Variants in ATP10B observed in about 807,000 individuals in gnomAD.
ATP10B encodes ATPase phospholipid transporting 10B (putative).
ATP10B carries 122 observed loss-of-function variants against 141.2 expected under a neutral mutation model. The ratio of observed to expected loss-of-function variants is 0.86; its 90% CI spans 0.75 to 1.00. The LOEUF (loss-of-function observed/expected upper bound fraction) is 1.00, where lower values mean the gene tolerates loss of function less well. ATP10B is among the 50% of genes least tolerant of loss of function. The probability of loss-of-function intolerance (pLI) is 0.00; values close to 1 mark genes in which losing one functional copy is unlikely to be tolerated. For missense variants in ATP10B, 1,876 were observed against 1,825.3 expected (o/e 1.03, Z -0.51); for synonymous variants, 685 against 692.0 (o/e 0.99, Z 0.16).
intron 18 of ATP10B, among the ~76,000 whole-genome samples, chr5:160,608,477 T>C (rs1454062229): frequency 6.6e-6 from 1 of 152,214 alleles, no homozygotes; most frequent in Non-Finnish European, 1.5e-5. Context: ...ATGGTATTTC[T>C]AGTTCTAGAT....
chr5:160,583,521 G>T (rs1201910425), intron 24 of ATP10B, among the ~76,000 whole-genome samples: 1 of 152,210 alleles, frequency 6.6e-6, no homozygotes, highest in Non-Finnish European at 1.5e-5. Context: ...GGAAGCACAG[G>T]GGTCAGGGAC....
intron 1 of ATP10B, among the ~76,000 whole-genome samples, chr5:160,850,690 T>C (rs1731304708): frequency 6.6e-6 from 1 of 152,170 alleles, no homozygotes; most frequent in African/African-American, 2.4e-5. Flanking sequence ...ATGATTTAAC[T>C]GTAAAAAGTC....
At chr5:160,816,621 A>G (rs1773654561) in intron 1 of ATP10B, among the ~76,000 whole-genome samples, 1 of 152,224 alleles carries the variant, frequency 6.6e-6, no homozygotes, top group Non-Finnish European at 1.5e-5. Flanking sequence ...CAATCAACAG[A>G]AAAAGAGGGA....
At chr5:160,685,315 A>T in intron 6 of ATP10B, 1 of 578,628 alleles carries the variant, frequency 1.7e-6, no homozygotes, top group Non-Finnish European at 3.0e-6. Flanking sequence ...TTTCAGAAGG[A>T]TACTAAAAAT....
At chr5:160,775,793 G>A (rs1002836854) in intron 2 of ATP10B, among the ~76,000 whole-genome samples, 1 of 146,784 alleles carries the variant, frequency 6.8e-6, no homozygotes, top group Non-Finnish European at 1.5e-5. Flanking sequence ...CCATTCTTCT[G>A]CCTCAACCTC....
At chr5:160,594,107 T>C (rs1756512747) in intron 22 of ATP10B, among the ~76,000 whole-genome samples, 1 of 151,948 alleles carries the variant, frequency 6.6e-6, no homozygotes, top group African/African-American at 2.4e-5. Flanking sequence ...AAAGTTGAAA[T>C]GAAGGAAAAA....
At chr5:160,860,723 T>A in the ATP10B span, among the ~76,000 whole-genome samples, 1 of 152,004 alleles carries the variant, frequency 6.6e-6, no homozygotes, top group Admixed American at 6.6e-5. Flanking sequence ...TATCACACAA[T>A]GGTAAAAATC....
the ATP10B span, among the ~76,000 whole-genome samples, chr5:160,873,833 A>T: frequency 6.6e-6 from 1 of 152,230 alleles, no homozygotes; most frequent in African/African-American, 2.4e-5. Flanking sequence ...AGACCTGCTT[A>T]AAAAATGGTG....
chr5:160,811,746 AC>A (rs1773167539), intron 1 of ATP10B, among the ~76,000 whole-genome samples: 1 of 152,118 alleles, frequency 6.6e-6, no homozygotes, highest in African/African-American at 2.4e-5. Flanking sequence ...GTATCTCTGG[AC>A]CCACCAAGGG....
chr5:160,662,401 C>T (rs1257116141), intron 7 of ATP10B, among the ~76,000 whole-genome samples: 2 of 152,198 alleles, frequency 1.3e-5, no homozygotes, highest in Non-Finnish European at 2.9e-5. Flanking sequence ...AACTATACTA[C>T]AAGGCTACAG....
chr5:160,806,996 A>G (rs1411585455), intron 1 of ATP10B, among the ~76,000 whole-genome samples: 1 of 152,184 alleles, frequency 6.6e-6, no homozygotes, highest in Admixed American at 6.5e-5. Flanking sequence ...GAAAAGACAA[A>G]CGGGGAAGAA....
At chr5:160,850,163 C>T (rs1443325541) in intron 1 of ATP10B, among the ~76,000 whole-genome samples, 1 of 152,102 alleles carries the variant, frequency 6.6e-6, no homozygotes. Flanking sequence ...AATCCCAGCA[C>T]TTTGGGAGGC....
chr5:160,797,245 C>A (rs962202008), intron 1 of ATP10B, among the ~76,000 whole-genome samples: 4 of 152,176 alleles, frequency 2.6e-5, no homozygotes, highest in African/African-American at 9.7e-5. Context: ...GTCCGGCCCA[C>A]AGATACAGCA....
intron 1 of ATP10B, among the ~76,000 whole-genome samples, chr5:160,817,313 C>G (rs1044236252): frequency 6.6e-6 from 1 of 152,168 alleles, no homozygotes; most frequent in Non-Finnish European, 1.5e-5. Context: ...TCTCAGGATA[C>G]AAAATTGATG....
chr5:160,801,672 C>T (rs769894904), intron 1 of ATP10B, among the ~76,000 whole-genome samples: 12 of 152,238 alleles, frequency 7.9e-5, no homozygotes, highest in Middle Eastern at 6.8e-3. Context: ...CAGGTAAAGA[C>T]GACAGGAGTT....
At chr5:160,907,794 C>T in the ATP10B span, among the ~76,000 whole-genome samples, 6 of 152,226 alleles carry the variant, frequency 3.9e-5, no homozygotes, top group African/African-American at 1.4e-4. Flanking sequence ...AGAGATAGTA[C>T]TTGCCAAATA....
At chr5:160,882,679 G>A in the ATP10B span, among the ~76,000 whole-genome samples, 49 of 152,144 alleles carry the variant, frequency 3.2e-4, 3 homozygotes, top group Non-Finnish European at 1.5e-5. Context: ...CAAAGGAAAT[G>A]TCATAAAATT....
Position 160,595,143 on chromosome 5 carries a change from A to G in ATP10B, c.3564+3627T>C, listed in dbSNP as rs1756587802. ...CAAAACTGACCACATAGTTGGAAGT[A>G]AAGCACTCCTCAGCAAATGTAAAAG... On this transcript the variant is annotated intron_variant, in intron 22 of 25. Coordinates refer to ENST00000327245, the MANE Select transcript of ATP10B (RefSeq NM_025153.3). Among the ~76,000 whole-genome samples, 3 of 152,356 alleles carry G rather than the reference A, an allele frequency of 2.0e-5. No homozygotes were observed. The South Asian group carries it at 6.2e-4, about 32-fold the overall frequency.
chr5:160,696,287 T>C lies in ATP10B; in HGVS notation c.-204-7344A>G, dbSNP rs35898142. On this transcript the variant is annotated intron_variant, in intron 3 of 25. Transcript: ENST00000327245. ...ATGCCTGGCAAAATTTTTTGTGTTT[T>C]TTTGTAGAGACACGGTTTCCCATTT... Among the ~76,000 whole-genome samples, 698 of 152,142 alleles carry C rather than the reference T, an allele frequency of 4.6e-3. 6 individuals are homozygous for C. Among genetic ancestry groups the C allele is most frequent in the African/African-American group, 0.015 (636 of 41,522 alleles).
Sources: gnomAD v4.1 joint callset for allele counts (sites outside exome capture counted in the v4.1 genomes callset) on GRCh38, gnomAD v4.1.1 for gene constraint, MANE v1.5 for transcripts, NCBI Gene and HGNC (gene_info 2026-07-23, HGNC 2026-07-21) for gene names.